NUBPL: variants seen among roughly 807,000 people sequenced by gnomAD.
NUBPL encodes iron-sulfur cluster transfer protein NUBPL.
In NUBPL, 31 loss-of-function variants were observed where a neutral mutation model predicts 45.7. The observed-to-expected ratio is 0.68, with a 90% CI of 0.51 to 0.92. The LOEUF is 0.92. NUBPL is among the 40% of genes least tolerant of loss of function. NUBPL has a pLI of 0.00. For missense variants in NUBPL, 401 were observed against 398.7 expected (o/e 1.01, Z -0.05); for synonymous variants, 144 against 140.9 (o/e 1.02, Z -0.15).
intron 4 of NUBPL, among the ~76,000 whole-genome samples, chr14:31,601,869 C>G (rs986255111): frequency 2.6e-5 from 4 of 152,108 alleles, no homozygotes; most frequent in Non-Finnish European, 4.4e-5. Flanking sequence ...TACCATTTGA[C>G]CCAGCCATCC....
intron 6 of NUBPL, among the ~76,000 whole-genome samples, chr14:31,734,710 A>G (rs958927180): frequency 2.0e-5 from 3 of 151,744 alleles, no homozygotes; most frequent in African/African-American, 7.3e-5. Flanking sequence ...CCCTACATAA[A>G]TAAGTAAATA....
chr14:31,815,252 C>G (rs756703422), intron 7 of NUBPL, among the ~76,000 whole-genome samples: 2 of 152,058 alleles, frequency 1.3e-5, no homozygotes, highest in Non-Finnish European at 2.9e-5. Flanking sequence ...AGAGGTCCTT[C>G]ACATCCCTTG....
At chr14:31,773,666 G>A (rs1318282512) in intron 6 of NUBPL, among the ~76,000 whole-genome samples, 1 of 152,204 alleles carries the variant, frequency 6.6e-6, no homozygotes, top group East Asian at 1.9e-4. Flanking sequence ...CTGGGATTCT[G>A]AGTTAAGCAT....
At chr14:31,582,085 C>G (rs2033878030) in intron 3 of NUBPL, among the ~76,000 whole-genome samples, 1 of 151,766 alleles carries the variant, frequency 6.6e-6, no homozygotes, top group Admixed American at 6.6e-5. Flanking sequence ...TTTAGTAGTT[C>G]TCTAAGAAAT....
At chr14:31,746,573 A>G (rs2038404086) in intron 6 of NUBPL, among the ~76,000 whole-genome samples, 1 of 151,766 alleles carries the variant, frequency 6.6e-6, no homozygotes, top group South Asian at 2.1e-4. Flanking sequence ...GCACTATTAG[A>G]TTTGGTTTTC....
chr14:31,726,119 C>A lies in NUBPL; in HGVS notation c.513+52545C>A, dbSNP rs1202684366. Among the ~76,000 whole-genome samples, 6 of 152,088 alleles carry A rather than the reference C, an allele frequency of 3.9e-5. No homozygotes were observed. The East Asian group carries it at 1.2e-3, about 29-fold the overall frequency. On this transcript the variant is annotated intron_variant, in intron 6 of 10. Coordinates refer to ENST00000281081, the MANE Select transcript of NUBPL (RefSeq NM_025152.3). ...GCCTTTCTCATAAAAATAAATATTG[C>A]AAGTTTGAGAAGGACAGTTCAAGAA...
chr14:31,771,049 T>A (rs1460079364), intron 6 of NUBPL, among the ~76,000 whole-genome samples: 2 of 152,298 alleles, frequency 1.3e-5, no homozygotes, highest in African/African-American at 4.8e-5. Context: ...TCTTTATAGG[T>A]TATTTACTTT....
chr14:31,778,996 G>A (rs1280507766), intron 6 of NUBPL, among the ~76,000 whole-genome samples: 1 of 152,142 alleles, frequency 6.6e-6, no homozygotes, highest in Non-Finnish European at 1.5e-5. Flanking sequence ...TAAGTAAAGT[G>A]GCAGGATTGG....
Position 31,732,600 on chromosome 14 carries a change from A to G in NUBPL, c.514-55180A>G, listed in dbSNP as rs1465936718. Among the ~76,000 whole-genome samples, 6 of 121,600 alleles carry G rather than the reference A, an allele frequency of 4.9e-5. No homozygotes were observed. The East Asian group carries it at 1.5e-3, about 31-fold the overall frequency. 79.8% of individuals were successfully genotyped at this position (121,600 alleles called of 152,430 possible). ...TTAACTTTGTAAGTCCAGCTTATCA[A>G]TTTGTTCTCTTTTTTTTTTTTTTTT... On this transcript the variant is annotated intron_variant, in intron 6 of 10. Transcript: ENST00000281081.
chr14:31,718,859 C>T (rs906249806), intron 6 of NUBPL, among the ~76,000 whole-genome samples: 3 of 152,106 alleles, frequency 2.0e-5, no homozygotes, highest in Non-Finnish European at 4.4e-5. Flanking sequence ...ATCAAATGAA[C>T]CTGAGTAATT....
intron 4 of NUBPL, among the ~76,000 whole-genome samples, chr14:31,655,916 A>C (rs2036130803): frequency 1.3e-5 from 2 of 152,224 alleles, no homozygotes; most frequent in South Asian, 4.1e-4. Flanking sequence ...GCCAAGCATT[A>C]ACTTTTTTCC....
intron 6 of NUBPL, among the ~76,000 whole-genome samples, chr14:31,746,853 T>G (rs2038409908): frequency 6.6e-6 from 1 of 151,846 alleles, no homozygotes; most frequent in African/African-American, 2.4e-5. Context: ...GTGGATTGTT[T>G]GAGCTCAGAA....
intron 10 of NUBPL, among the ~76,000 whole-genome samples, chr14:31,855,920 T>G (rs2040610245): frequency 6.6e-6 from 1 of 152,218 alleles, no homozygotes; most frequent in Non-Finnish European, 1.5e-5. Flanking sequence ...GTCGGGATAA[T>G]GATAGAATTT....
chr14:31,606,822 T>C (rs1320316343), intron 4 of NUBPL, among the ~76,000 whole-genome samples: 6 of 152,208 alleles, frequency 3.9e-5, no homozygotes, highest in Admixed American at 3.9e-4. Context: ...CTCTTCACTG[T>C]AGGGAAAATT....
chr14:31,621,849 G>C (rs1167282380), intron 4 of NUBPL, among the ~76,000 whole-genome samples: 4 of 152,186 alleles, frequency 2.6e-5, no homozygotes, highest in Admixed American at 1.3e-4. Context: ...CCGGTAGAGT[G>C]GGGTACTCCT....
chr14:31,775,138 C>T (rs915084122), intron 6 of NUBPL, among the ~76,000 whole-genome samples: 1 of 152,180 alleles, frequency 6.6e-6, no homozygotes, highest in Non-Finnish European at 1.5e-5. Context: ...CCAAAAGTGG[C>T]TGGGCATGGT....
At chr14:31,756,763 A>C (rs2038674893) in intron 6 of NUBPL, among the ~76,000 whole-genome samples, 1 of 152,028 alleles carries the variant, frequency 6.6e-6, no homozygotes, top group Admixed American at 6.6e-5. Flanking sequence ...GAGAGAGGGC[A>C]TCCCTGTCTT....
chr14:31,626,182 G>A lies in NUBPL; in HGVS notation c.382+26803G>A, dbSNP rs552278525. Among the ~76,000 whole-genome samples, 3 of 151,296 alleles carry A rather than the reference G, an allele frequency of 2.0e-5. No homozygotes were observed. The South Asian group carries it at 6.3e-4, about 32-fold the overall frequency. On this transcript the variant is annotated intron_variant, in intron 4 of 10. Coordinates refer to ENST00000281081, the MANE Select transcript of NUBPL (RefSeq NM_025152.3). ...TTATTTTATTTTATTTTTTTATTTT[G>A]TTTTTTGCTCTGTCACCCAGGCTGG... is the stretch of plus-strand genomic sequence containing the variant.
intron 4 of NUBPL, among the ~76,000 whole-genome samples, chr14:31,657,801 C>T (rs577245083): frequency 6.6e-6 from 1 of 152,088 alleles, no homozygotes; most frequent in African/African-American, 2.4e-5. Context: ...TTTTAAATTC[C>T]AGCTCTTGAA....
Sources: gnomAD v4.1 joint callset for allele counts (sites outside exome capture counted in the v4.1 genomes callset) on GRCh38, gnomAD v4.1.1 for gene constraint, MANE v1.5 for transcripts, NCBI Gene and HGNC (gene_info 2026-07-23, HGNC 2026-07-21) for gene names.